TTC27: variants seen among roughly 807,000 people sequenced by gnomAD.
The protein encoded by TTC27 is tetratricopeptide repeat domain 27, also known as tetratricopeptide repeat protein 27.
In TTC27, 79 loss-of-function variants were observed where a neutral mutation model predicts 115.9. The ratio of observed to expected loss-of-function variants is 0.68; its 90% CI spans 0.57 to 0.82. TTC27 has a LOEUF of 0.82. Ranked by LOEUF, TTC27 falls within the 40% of genes least tolerant of loss-of-function variation. The pLI is 0.00. For missense variants in TTC27, 1,054 were observed against 993.1 expected (o/e 1.06, Z -0.82); for synonymous variants, 401 against 356.0 (o/e 1.13, Z -1.42).
At chr2:32,633,556 C>T (rs1057255326) in intron 2 of TTC27, among the ~76,000 whole-genome samples, 1 of 151,878 alleles carries the variant, frequency 6.6e-6, no homozygotes, top group Admixed American at 6.6e-5. Context: ...TGGGATGTAC[C>T]ACCATGCCGG....
At chr2:32,773,649 C>T (rs1035797327) in intron 13 of TTC27, among the ~76,000 whole-genome samples, 19 of 152,182 alleles carry the variant, frequency 1.2e-4, no homozygotes, top group Non-Finnish European at 2.4e-4. Flanking sequence ...TGAGATTGAC[C>T]ACCTTGCAGG....
At chr2:32,776,147 A>G (rs1669990575) in intron 13 of TTC27, among the ~76,000 whole-genome samples, 1 of 152,138 alleles carries the variant, frequency 6.6e-6, no homozygotes, top group African/African-American at 2.4e-5. Context: ...CTGTCCCTCT[A>G]ACAAAATCTG....
intron 9 of TTC27, among the ~76,000 whole-genome samples, chr2:32,702,464 C>T: frequency 6.6e-6 from 1 of 152,148 alleles, no homozygotes; most frequent in East Asian, 1.9e-4. Flanking sequence ...ACTATGTTCT[C>T]TGGGTAATGG....
At chr2:32,655,848 C>T (rs937766770) in intron 5 of TTC27, among the ~76,000 whole-genome samples, 7 of 151,810 alleles carry the variant, frequency 4.6e-5, no homozygotes, top group African/African-American at 1.7e-4. Context: ...TAGAGCTGTA[C>T]TATTCAATAT....
At chr2:32,663,901 T>C (rs1456109723) in intron 5 of TTC27, among the ~76,000 whole-genome samples, 1 of 152,096 alleles carries the variant, frequency 6.6e-6, no homozygotes, top group Non-Finnish European at 1.5e-5. Context: ...GTCAGGCTGG[T>C]CTCGAACTCC....
chr2:32,734,014 A>G, intron 11 of TTC27, 91 bp downstream of exon 11: 1 of 835,312 alleles, frequency 1.2e-6, no homozygotes, highest in Non-Finnish European at 1.8e-6. Context: ...TTATGTTTGA[A>G]TTTTCAAATA....
chr2:32,687,064 C>T (rs567961424), intron 9 of TTC27, among the ~76,000 whole-genome samples: 2 of 152,180 alleles, frequency 1.3e-5, no homozygotes, highest in South Asian at 2.1e-4. Context: ...AGGCTAGTTT[C>T]GAACTCCTGA....
intron 16 of TTC27, among the ~76,000 whole-genome samples, chr2:32,805,254 G>A (rs994004498): frequency 6.6e-6 from 1 of 152,152 alleles, no homozygotes; most frequent in Non-Finnish European, 1.5e-5. Flanking sequence ...TGCTGGGTGG[G>A]TTACATGTGC....
intron 16 of TTC27, among the ~76,000 whole-genome samples, chr2:32,789,642 G>A (rs1389672883): frequency 2.0e-5 from 3 of 152,036 alleles, no homozygotes; most frequent in Non-Finnish European, 4.4e-5. Context: ...TCAGCCGGCT[G>A]GGTGCAGTGG....
At chr2:32,764,388 A>T (rs892444651) in intron 13 of TTC27, among the ~76,000 whole-genome samples, 2 of 152,298 alleles carry the variant, frequency 1.3e-5, no homozygotes, top group Non-Finnish European at 1.5e-5. Flanking sequence ...CAATACTATT[A>T]TGTCTAAAAA....
chr2:32,670,807 G>A (rs1371199179), intron 7 of TTC27, among the ~76,000 whole-genome samples: 1 of 151,616 alleles, frequency 6.6e-6, no homozygotes, highest in Admixed American at 6.6e-5. Context: ...TGGTAGAGAC[G>A]GGGTTTTTGC....
intron 9 of TTC27, among the ~76,000 whole-genome samples, chr2:32,686,225 C>T (rs2151892719): frequency 6.6e-6 from 1 of 152,116 alleles, no homozygotes; most frequent in Non-Finnish European, 1.5e-5. Context: ...TCGGAAGGCT[C>T]AGTATGTTGA....
At chr2:32,646,562 T>G (rs1664868416) in intron 4 of TTC27, among the ~76,000 whole-genome samples, 1 of 147,284 alleles carries the variant, frequency 6.8e-6, no homozygotes, top group African/African-American at 2.5e-5. Flanking sequence ...ATTTGGTTTT[T>G]TTTTTTTTTT....
intron 14 of TTC27, 39 bp downstream of exon 14, chr2:32,778,019 A>G: frequency 6.3e-7 from 1 of 1,591,178 alleles, no homozygotes; most frequent in Non-Finnish European, 8.6e-7. Context: ...GTGGCTCTTT[A>G]CTCTCTAAGT....
intron 4 of TTC27, among the ~76,000 whole-genome samples, chr2:32,647,093 C>T (rs1664893526): frequency 1.3e-5 from 2 of 151,490 alleles, no homozygotes; most frequent in South Asian, 2.1e-4. Context: ...TACAGATACG[C>T]ACCACCACAC....
intron 16 of TTC27, among the ~76,000 whole-genome samples, chr2:32,810,735 A>G (rs1433641762): frequency 1.7e-4 from 26 of 151,860 alleles, no homozygotes. Context: ...ATTCAGAGAG[A>G]ATGTTCCAGG....
intron 13 of TTC27, among the ~76,000 whole-genome samples, chr2:32,775,490 G>C (rs911386374): frequency 6.6e-6 from 1 of 152,156 alleles, no homozygotes; most frequent in Non-Finnish European, 1.5e-5. Flanking sequence ...GAGCCACTTT[G>C]CCCGGCCACA....
At chr2:32,735,655 CT>C (rs77750870) in intron 11 of TTC27, among the ~76,000 whole-genome samples, 24,714 of 152,106 alleles carry the variant, frequency 0.16, 2,414 homozygotes, top group South Asian at 0.36. Context: ...GAATTAGTCT[CT>C]ACTTTGCTAC....
intron 8 of TTC27, among the ~76,000 whole-genome samples, chr2:32,675,479 A>G (rs1666164209): frequency 1.3e-5 from 2 of 152,122 alleles, no homozygotes; most frequent in South Asian, 4.1e-4. Flanking sequence ...TGGAATTTCA[A>G]TATATAGAGC....
Sources: allele counts gnomAD v4.1 joint callset (sites outside exome capture counted in the v4.1 genomes callset), GRCh38; gene constraint gnomAD v4.1.1; transcripts MANE v1.5; gene names NCBI Gene and HGNC (gene_info 2026-07-23, HGNC 2026-07-21).